The following ZNF684 variants were observed in gnomAD, a reference collection of about 807,000 sequenced individuals.
ZNF684 encodes the protein hypothetical protein MGC27466.
Under a neutral mutation model 12.8 loss-of-function variants are expected in ZNF684, and 13 were observed. That is an observed-to-expected ratio of 1.02 (90% CI 0.66 to 1.62). ZNF684 has a LOEUF of 1.62. Ranked by LOEUF, ZNF684 falls within the 40% of genes most tolerant of loss-of-function variation. The pLI, the probability that ZNF684 is intolerant of heterozygous loss-of-function variation, is 0.00. For missense variants in ZNF684, 384 were observed against 446.9 expected (o/e 0.86, Z 1.27); for synonymous variants, 118 against 151.8 (o/e 0.78, Z 1.64).
At chr1:40,537,642 C>T (rs1391209552) in intron 2 of ZNF684, among the ~76,000 whole-genome samples, 1 of 152,004 alleles carries the variant, frequency 6.6e-6, no homozygotes, top group Non-Finnish European at 1.5e-5. Context: ...ACTCAGGAGG[C>T]TGAGGCATGA....
In ZNF684 at chr1:40,547,319, TG is replaced by T; in HGVS notation, c.998del (p.Gly333AlafsTer15). The T allele has an allele frequency of 6.2e-7, 1 of 1,614,040 alleles. No homozygotes were observed. Among genetic ancestry groups the T allele is most frequent in the South Asian group, 1.1e-5 (1 of 91,070 alleles). ...GEKPYSCIEC[G>X]KAFIKKSHLL... ...AGAAACCTTACAGTTGTATTGAATG[TG>T]GCAAAGCCTTCATCAAGAAGTCCCA... On this transcript the variant is annotated frameshift_variant, in exon 5 of 5. Transcript: ENST00000372699. LOFTEE classifies it low-confidence loss of function (END_TRUNC).
intron 3 of ZNF684, chr1:40,541,308 C>T (rs1038537910): frequency 5.0e-6 from 1 of 198,092 alleles, no homozygotes; most frequent in Admixed American, 5.0e-5. Context: ...CTCAGCCTCC[C>T]GAGTAGCTGA....
At chr1:40,545,915 C>CCT (rs1557613390) in intron 4 of ZNF684, among the ~76,000 whole-genome samples, 7 of 67,894 alleles carry the variant, frequency 1.0e-4, no homozygotes, top group East Asian at 3.5e-4. Flanking sequence ...GTCTCCTTTT[C>CCT]TTTTTTTTTT....
chr1:40,534,932 A>G (rs1645976553), intron 2 of ZNF684, among the ~76,000 whole-genome samples: 1 of 152,114 alleles, frequency 6.6e-6, no homozygotes. Flanking sequence ...GATCAAGGCT[A>G]TAGCTAGCTA....
chr1:40,535,549 T>C (rs1396036082), intron 2 of ZNF684, among the ~76,000 whole-genome samples: 1 of 152,158 alleles, frequency 6.6e-6, no homozygotes, highest in East Asian at 1.9e-4. Context: ...ATGGGAGTGC[T>C]CCCAGTGTTT....
intron 2 of ZNF684, among the ~76,000 whole-genome samples, chr1:40,539,979 T>C (rs890750396): frequency 6.6e-5 from 10 of 152,120 alleles, no homozygotes; most frequent in Non-Finnish European, 1.0e-4. Flanking sequence ...TGTTGAATTT[T>C]AAGAGTTACT....
chr1:40,534,389 C>T (rs544740704), intron 2 of ZNF684, among the ~76,000 whole-genome samples: 4 of 148,482 alleles, frequency 2.7e-5, no homozygotes, highest in East Asian at 2.1e-4. Flanking sequence ...TACAGGTGCC[C>T]GCCACCACGC....
At chr1:40,540,361 G>T (rs1374344071) in intron 2 of ZNF684, among the ~76,000 whole-genome samples, 2 of 152,098 alleles carry the variant, frequency 1.3e-5, no homozygotes, top group Admixed American at 6.5e-5. Flanking sequence ...TTGTTGAAAA[G>T]ACTTTTTTTT....
At chr1:40,543,897 A>G (rs1646029695) in intron 4 of ZNF684, among the ~76,000 whole-genome samples, 1 of 151,952 alleles carries the variant, frequency 6.6e-6, no homozygotes, top group Non-Finnish European at 1.5e-5. Flanking sequence ...TGAACTCCCA[A>G]GCCAATTCTA....
chr1:40,538,652 G>A (rs995234261), intron 2 of ZNF684, among the ~76,000 whole-genome samples: 14 of 152,120 alleles, frequency 9.2e-5, no homozygotes, highest in Non-Finnish European at 1.5e-4. Context: ...GAGGTCAGGA[G>A]TTTGAGAGCA....
chr1:40,532,034 C>T (rs188485060), intron 1 of ZNF684, among the ~76,000 whole-genome samples: 2 of 152,162 alleles, frequency 1.3e-5, no homozygotes, highest in East Asian at 1.9e-4. Context: ...AGGTCAAGGT[C>T]ACTATGTAGG....
At chr1:40,539,077 T>G (rs2124508952) in intron 2 of ZNF684, among the ~76,000 whole-genome samples, 1 of 151,706 alleles carries the variant, frequency 6.6e-6, no homozygotes, top group Non-Finnish European at 1.5e-5. Flanking sequence ...TCACCCAGGC[T>G]GGAGTGCAGT....
intron 2 of ZNF684, 116 bp from the exon 3 acceptor site, chr1:40,540,470 C>T: frequency 8.8e-7 from 1 of 1,133,572 alleles, no homozygotes; most frequent in South Asian, 1.9e-5. Context: ...ATCATTATAA[C>T]TGATTTTCTA....
intron 4 of ZNF684, among the ~76,000 whole-genome samples, chr1:40,545,658 A>G (rs1258304596): frequency 6.6e-6 from 1 of 152,164 alleles, no homozygotes; most frequent in Non-Finnish European, 1.5e-5. Flanking sequence ...TGGAGCCATG[A>G]CTACAGACAT....
intron 3 of ZNF684, 151 bp from the exon 4 acceptor site, chr1:40,541,464 T>C (rs532448383): frequency 3.6e-6 from 2 of 560,498 alleles, no homozygotes; most frequent in African/African-American, 1.9e-5. Flanking sequence ...ATTACAGGCG[T>C]GAGCCACCGC....
At chr1:40,546,519 T>C (rs752167589) in intron 4 of ZNF684, 43 bp from the exon 5 acceptor site, 1 of 1,493,642 alleles carries the variant, frequency 6.7e-7, no homozygotes, top group Non-Finnish European at 8.9e-7. Flanking sequence ...AGCATGTTGA[T>C]GGGAAAAAGT....
chr1:40,537,446 G>A (rs942319337), intron 2 of ZNF684, among the ~76,000 whole-genome samples: 1 of 152,128 alleles, frequency 6.6e-6, no homozygotes, highest in African/African-American at 2.4e-5. Flanking sequence ...CCCAATTAAA[G>A]TATATACAGT....
chr1:40,540,595 A>T lies in ZNF684; in HGVS notation c.25A>T (p.Thr9Ser). Residue 9 changes from threonine to serine, a missense_variant, in exon 3 of 5, where the codon ACA (threonine) becomes TCA (serine). By Grantham distance (58) the Thr-to-Ser change is moderately conservative. Coordinates refer to ENST00000372699, the MANE Select transcript of ZNF684 (RefSeq NM_152373.4). ...AAATGTGCTGTTACAGGAATCAGTGACATTCCAGGATGTGGCTGTGGATTT... is the reference window on the plus strand; with the variant it reads ...AAATGTGCTGTTACAGGAATCAGTGTCATTCCAGGATGTGGCTGTGGATTT... MISFQESV[T>S]FQDVAVDFTA... 1 of 1,599,340 alleles carries T rather than the reference A, an allele frequency of 6.3e-7. No individual in the cohort carries two copies. Among genetic ancestry groups the T allele is most frequent in the Non-Finnish European group, 8.5e-7 (1 of 1,173,528 alleles).
At chr1:40,533,275 T>G in intron 2 of ZNF684, 94 bp downstream of exon 2, 1 of 1,272,554 alleles carries the variant, frequency 7.9e-7, no homozygotes, top group Non-Finnish European at 1.1e-6. Flanking sequence ...GTAAACCAAA[T>G]AAAAGATCAA....
Sources: allele counts gnomAD v4.1 joint callset (sites outside exome capture counted in the v4.1 genomes callset), GRCh38; gene constraint gnomAD v4.1.1; transcripts MANE v1.5; gene names NCBI Gene and HGNC (gene_info 2026-07-23, HGNC 2026-07-21).